The following ANO7 variants were observed in gnomAD, a reference collection of about 807,000 sequenced individuals.
ANO7 encodes the protein anoctamin 7.
In ANO7, 114 loss-of-function variants were observed where a neutral mutation model predicts 115.8. That is an observed-to-expected ratio of 0.98 (90% CI 0.85 to 1.15). The LOEUF (loss-of-function observed/expected upper bound fraction) is 1.15, where lower values mean the gene tolerates loss of function less well. Among genes scored for constraint, ANO7 ranks in the 50% most tolerant of loss-of-function variants. The pLI is 0.00. For missense variants in ANO7, 1,302 were observed against 1,201.2 expected, an observed-to-expected ratio of 1.08 and a Z score of -1.24; for synonymous variants, 550 against 498.2, an observed-to-expected ratio of 1.10 and a Z score of -1.38.
chr2:241,219,459 A>G (rs1463290641), intron 21 of ANO7, among the ~76,000 whole-genome samples: 4 of 151,894 alleles, frequency 2.6e-5, no homozygotes, highest in Admixed American at 1.3e-4. Context: ...TGGATGGGTA[A>G]AAGTGTTCTG....
intron 7 of ANO7, 34 bp from the exon 8 acceptor site, chr2:241,202,160 A>C: frequency 1.3e-6 from 2 of 1,585,008 alleles, no homozygotes; most frequent in Non-Finnish European, 1.7e-6. Flanking sequence ...ATCACGTGAC[A>C]AGTGACCTGC....
At chr2:241,231,190 G>C in the ANO7 span, 1 of 428,526 alleles carries the variant, frequency 2.3e-6, no homozygotes, top group Non-Finnish European at 4.3e-6. Flanking sequence ...TTCGTGACCA[G>C]CCTGACCAAC....
intron 3 of ANO7, among the ~76,000 whole-genome samples, chr2:241,192,110 G>C (rs1225213053): frequency 6.6e-6 from 1 of 152,226 alleles, no homozygotes; most frequent in Non-Finnish European, 1.5e-5. Context: ...GCCAAGGCGG[G>C]TGGATCACCT....
intron 10 of ANO7, among the ~76,000 whole-genome samples, chr2:241,206,941 C>T (rs1462672335): frequency 1.9e-4 from 26 of 140,102 alleles, no homozygotes; most frequent in Non-Finnish European, 3.5e-4. Context: ...CCCAGTCTGA[C>T]AGGTGGACAG....
chr2:241,217,618 G>C (rs755571155), intron 19 of ANO7, 68 bp from the exon 20 acceptor site: 2 of 1,508,336 alleles, frequency 1.3e-6, no homozygotes, highest in African/African-American at 2.8e-5. Flanking sequence ...GGTCCTCCGC[G>C]GGGGGCGCGT....
chr2:241,191,026 CT>C (rs1427017928), intron 2 of ANO7, among the ~76,000 whole-genome samples, 167 bp from the exon 3 acceptor site: 2 of 152,218 alleles, frequency 1.3e-5, no homozygotes, highest in South Asian at 2.1e-4. Context: ...GGGCTTCCCC[CT>C]CCACCCCCTA....
chr2:241,223,584 C>G (rs906425360), intron 22 of ANO7, 78 bp from the exon 23 acceptor site: 5 of 1,564,804 alleles, frequency 3.2e-6, no homozygotes, highest in Non-Finnish European at 3.5e-6. Flanking sequence ...GAGCAGGTGC[C>G]GGAGCCCCGG....
the ANO7 span, chr2:241,235,565 C>G: frequency 6.2e-7 from 1 of 1,613,920 alleles, no homozygotes; most frequent in Non-Finnish European, 8.5e-7. Context: ...CAAAGGGCAC[C>G]TCTACTTCAA....
chr2:241,195,612 A>G (rs1439100672), intron 3 of ANO7, 91 bp from the exon 4 acceptor site: 3 of 1,311,732 alleles, frequency 2.3e-6, no homozygotes, highest in East Asian at 2.5e-5. Context: ...ATGGCTCCCC[A>G]CTGCGTCCCG....
downstream of ANO7, chr2:241,230,174 G>A (rs1353921759): frequency 1.2e-6 from 2 of 1,612,954 alleles, no homozygotes; most frequent in East Asian, 2.2e-5. The surrounding 1 kb of genome is among the most constrained non-coding windows in gnomAD (Gnocchi z 5.0). Flanking sequence ...CCAGATTGAG[G>A]ATGTGGTCGA....
chr2:241,211,789 G>T (rs773565922), intron 15 of ANO7, among the ~76,000 whole-genome samples: 1 of 152,162 alleles, frequency 6.6e-6, no homozygotes, highest in African/African-American at 2.4e-5. Flanking sequence ...AGCCCAGTCC[G>T]CTGCGCAGCC....
Position 241,207,648 on chromosome 2 carries a change from C to T in ANO7, c.1055C>T (p.Ser352Phe). ...LCLDCPFWLL[S>F]SACALAQAGR... is the part of the protein sequence containing the mutation. ...CTCGACTGCCCTTTCTGGCTGCTCT[C>T]CAGCGCCTGTGCCCTGGCCCAGGTA... The change falls in exon 11 of 25, where the codon TCC becomes TTC. Residue 352 changes from serine (S) to phenylalanine (F), a missense_variant. Coordinates refer to ENST00000674324, the MANE Select transcript of ANO7 (RefSeq NM_001370694.2). 2 of 1,613,850 alleles carry T rather than the reference C, an allele frequency of 1.2e-6. No homozygotes were observed. Among genetic ancestry groups the T allele is most frequent in the Non-Finnish European group, 1.7e-6 (2 of 1,179,984 alleles).
downstream of ANO7, among the ~76,000 whole-genome samples, chr2:241,226,124 C>A (rs1172033516): frequency 6.6e-6 from 1 of 151,902 alleles, no homozygotes; most frequent in Non-Finnish European, 1.5e-5. Context: ...TGCGCCCTAC[C>A]CTGTGACCCT....
intron 15 of ANO7, among the ~76,000 whole-genome samples, chr2:241,211,795 C>T (rs1421904883): frequency 3.3e-5 from 5 of 152,206 alleles, no homozygotes; most frequent in Admixed American, 6.5e-5. Flanking sequence ...GTCCGCTGCG[C>T]AGCCTTGGCA....
the ANO7 span, chr2:241,240,196 G>A: frequency 2.1e-6 from 3 of 1,435,404 alleles, no homozygotes; most frequent in Non-Finnish European, 2.9e-6. This position sits in a 1 kb window ranked among gnomAD's most constrained non-coding sequence, Gnocchi z 5.5. Context: ...AAGAGGGTCT[G>A]TAGGACAGCA....
chr2:241,190,295 C>T, intron 2 of ANO7, 124 bp downstream of exon 2: 2 of 782,800 alleles, frequency 2.6e-6, no homozygotes, highest in South Asian at 1.8e-5. Context: ...CCTGCATCCC[C>T]CGGCAACCCC....
chr2:241,223,168 G>A lies in ANO7; in HGVS notation c.2322-18G>A, dbSNP rs1318730908. The A allele has an allele frequency of 2.5e-6, 4 of 1,612,750 alleles. No homozygotes were observed. The African/African-American group carries it at 4.0e-5, about 16-fold the overall frequency. ...ACTCAGCCCTGGCTGCGCGCACTGA[G>A]TCCTGTGTCTGCTGCAGGTATCGGG... On this transcript the variant is annotated intron_variant, in intron 21 of 24. Transcript: ENST00000674324.
chr2:241,199,118 G>T (rs894082951), intron 4 of ANO7, 198 bp from the exon 5 acceptor site: 4 of 561,640 alleles, frequency 7.1e-6, no homozygotes, highest in South Asian at 3.9e-5. Context: ...ACTCCCAAAC[G>T]GGGCTGTCGA....
intron 3 of ANO7, among the ~76,000 whole-genome samples, chr2:241,192,540 A>G (rs913053190): frequency 3.3e-5 from 5 of 152,008 alleles, no homozygotes; most frequent in African/African-American, 1.2e-4. Context: ...ATTAGGGCAC[A>G]CCCTAATAGC....
Sources: allele counts gnomAD v4.1 joint callset (sites outside exome capture counted in the v4.1 genomes callset), GRCh38; gene constraint gnomAD v4.1.1; non-coding constraint Gnocchi (gnomAD v3.1); transcripts MANE v1.5; gene names NCBI Gene and HGNC (gene_info 2026-07-23, HGNC 2026-07-21).